Variants in OSBPL11 observed in about 807,000 individuals in gnomAD.
OSBPL11 encodes the protein oxysterol binding protein like 11.
A neutral mutation model predicts 84.4 loss-of-function variants in OSBPL11; 33 were observed. The observed-to-expected ratio is 0.39, with a 90% CI of 0.30 to 0.52. The LOEUF is 0.52. Ranked by LOEUF, OSBPL11 falls within the 20% of genes least tolerant of loss-of-function variation. The pLI, the probability that OSBPL11 is intolerant of heterozygous loss-of-function variation, is 0.72. For missense variants in OSBPL11, 736 were observed against 901.1 expected, an observed-to-expected ratio of 0.82 and a Z score of 2.35; for synonymous variants, 276 against 310.2, an observed-to-expected ratio of 0.89 and a Z score of 1.16.
intron 12 of OSBPL11, among the ~76,000 whole-genome samples, chr3:125,530,951 C>T (rs1935546043): frequency 6.6e-6 from 1 of 151,704 alleles, no homozygotes; most frequent in Non-Finnish European, 1.5e-5. Flanking sequence ...TCCCTGTCTC[C>T]ACTGGCACCC....
At chr3:125,576,433 C>A (rs141649700) in intron 4 of OSBPL11, 68 bp from the exon 5 acceptor site, 1 of 1,258,186 alleles carries the variant, frequency 7.9e-7, no homozygotes, top group Non-Finnish European at 1.1e-6. Flanking sequence ...CATCAAACTA[C>A]CATACACTTA....
At chr3:125,586,723 G>A (rs1270509638) in intron 1 of OSBPL11, among the ~76,000 whole-genome samples, 1 of 151,924 alleles carries the variant, frequency 6.6e-6, no homozygotes, top group East Asian at 1.9e-4. Flanking sequence ...CATCATGTTG[G>A]TCAGGCTGGT....
At position 125,567,435 on chromosome 3, in the gene OSBPL11, T is replaced by A; in HGVS notation, c.827A>T (p.Gln276Leu). 2 of 1,614,164 alleles carry A rather than the reference T, an allele frequency of 1.2e-6. No homozygotes were observed. The highest frequency in any genetic ancestry group is 1.7e-6 in the Non-Finnish European group (2 of 1,180,012). Residue 276 changes from glutamine to leucine, a missense_variant, in exon 6 of 13, where the codon CAG becomes CTG. This residue lies in a region of OSBPL11 where 579 missense variants were observed against 717.6 expected (regional missense o/e 0.81). Coordinates refer to ENST00000296220, the MANE Select transcript of OSBPL11 (RefSeq NM_022776.5). Reference protein sequence around the residue: ...NCLNDCFHILQLQHASHQKGS... With the variant: ...NCLNDCFHILLLQHASHQKGS... ...CTTCTGATGTGATGCATGCTGTAAC[T>A]GGAGAATATGAAAGCAGTCATTTAA...
intron 1 of OSBPL11, among the ~76,000 whole-genome samples, chr3:125,590,678 G>A (rs936089626): frequency 4.6e-5 from 7 of 151,648 alleles, no homozygotes; most frequent in South Asian, 2.1e-4. Context: ...TCATTCTTTC[G>A]TTGTTTTGGG....
intron 10 of OSBPL11, 127 bp downstream of exon 10, chr3:125,547,279 T>A (rs13089180): frequency 0.08 from 61,215 of 767,438 alleles, 2,742 homozygotes; most frequent in Non-Finnish European, 0.093. Flanking sequence ...ATGAAATATT[T>A]TAAATAAGAA....
chr3:125,560,144 C>T (rs1559841180), intron 8 of OSBPL11, among the ~76,000 whole-genome samples: 1 of 151,914 alleles, frequency 6.6e-6, no homozygotes, highest in Admixed American at 6.6e-5. Context: ...ACCTGTAATC[C>T]CAGCTACCCA....
chr3:125,570,706 C>G (rs1043502998), intron 5 of OSBPL11, among the ~76,000 whole-genome samples: 1 of 152,174 alleles, frequency 6.6e-6, no homozygotes, highest in African/African-American at 2.4e-5. Flanking sequence ...CAAGTTCTCT[C>G]TCTTTGCCTG....
chr3:125,539,357 T>TATGGCTGTTTATCA (rs1278559267), intron 10 of OSBPL11, among the ~76,000 whole-genome samples: 6 of 144,164 alleles, frequency 4.2e-5, no homozygotes, highest in Non-Finnish European at 6.0e-5. Context: ...TAGCTATATA[T>TATGGCTGTTTATCA]ATGGCTGTTT....
At chr3:125,567,192 C>T (rs1371794222) in intron 6 of OSBPL11, among the ~76,000 whole-genome samples, 1 of 152,012 alleles carries the variant, frequency 6.6e-6, no homozygotes, top group Non-Finnish European at 1.5e-5. Flanking sequence ...AGACATTAGT[C>T]CTAAAATCAT....
In OSBPL11 at chr3:125,563,709, G is replaced by C. The variant is rs1344726691; in HGVS notation, c.1003C>G (p.Leu335Val). The C allele has an allele frequency of 1.2e-6, 2 of 1,614,056 alleles. No homozygotes were observed. The highest frequency in any genetic ancestry group is 1.7e-6 in the Non-Finnish European group (2 of 1,180,008). The change falls in exon 7 of 13, where the codon CTA becomes GTA. Residue 335 changes from leucine to valine, a missense_variant. By Grantham distance (32) the Leu-to-Val change is conservative. Transcript: ENST00000296220. The stretch of plus-strand genomic sequence containing the variant: ...TTATATTACCTTACCCTCGCTAATA[G>C]TCCAGATTCTGCAACAGGCTGCTCT... The part of the protein sequence containing the change: ...PEEQPVAESG[L>V]LAREPEEINA...
At chr3:125,547,286 A>C in intron 10 of OSBPL11, 120 bp downstream of exon 10, 1 of 791,166 alleles carries the variant, frequency 1.3e-6, no homozygotes, top group Non-Finnish European at 1.9e-6. Context: ...ATTTTAAATA[A>C]GAAATAAACA....
chr3:125,591,011 T>A (rs535276636), intron 1 of OSBPL11, among the ~76,000 whole-genome samples: 2 of 152,358 alleles, frequency 1.3e-5, no homozygotes, highest in Non-Finnish European at 2.9e-5. Flanking sequence ...ACAGGAATAA[T>A]AATGCTGTAT....
intron 8 of OSBPL11, among the ~76,000 whole-genome samples, chr3:125,558,023 A>G (rs12498040): frequency 0.13 from 20,149 of 151,916 alleles, 1,402 homozygotes; most frequent in Admixed American, 0.16. Flanking sequence ...CGAACTCTTG[A>G]GCTCATGTAA....
chr3:125,540,360 A>G (rs765155201), intron 10 of OSBPL11, among the ~76,000 whole-genome samples: 159 of 143,782 alleles, frequency 1.1e-3, no homozygotes, highest in Non-Finnish European at 1.8e-3. Context: ...AAAAAAAAAG[A>G]GTAGTTGTAT....
At chr3:125,588,952 G>A (rs895728069) in intron 1 of OSBPL11, among the ~76,000 whole-genome samples, 1 of 152,134 alleles carries the variant, frequency 6.6e-6, no homozygotes, top group African/African-American at 2.4e-5. Flanking sequence ...AAAGTATAAA[G>A]TCAAGAGAGG....
chr3:125,557,466 C>T (rs1936007654), intron 8 of OSBPL11, among the ~76,000 whole-genome samples: 1 of 152,172 alleles, frequency 6.6e-6, no homozygotes, highest in African/African-American at 2.4e-5. Context: ...ACTGTAACCT[C>T]TGCCTCCTGG....
rs923513680 is a variant in OSBPL11 at position 125,553,484 on chromosome 3, A to T, written c.1156-805T>A. ...TTAAAACCAGGTAAGTGTAAGAAAGATAAATATTTTACTTAAAGCAGAGTT... is the reference window on the plus strand; with the variant it reads ...TTAAAACCAGGTAAGTGTAAGAAAGTTAAATATTTTACTTAAAGCAGAGTT... On this transcript the variant is annotated intron_variant, in intron 8 of 12. Transcript: ENST00000296220. Among the ~76,000 whole-genome samples, 43 of 152,324 alleles carry T rather than the reference A, an allele frequency of 2.8e-4. 1 individual carries two copies. The highest frequency in any genetic ancestry group is 2.8e-3 in the Admixed American group (43 of 15,296).
At chr3:125,534,371 A>G (rs1307357778) in intron 11 of OSBPL11, among the ~76,000 whole-genome samples, 6 of 151,514 alleles carry the variant, frequency 4.0e-5, no homozygotes, top group African/African-American at 1.5e-4. Context: ...CGACAGAGTA[A>G]GACACTACTT....
chr3:125,582,684 TCA>T (rs943901033), intron 2 of OSBPL11, among the ~76,000 whole-genome samples: 1 of 152,206 alleles, frequency 6.6e-6, no homozygotes, highest in Non-Finnish European at 1.5e-5. Flanking sequence ...ATTCTAATCC[TCA>T]TTTAATAGTA....
Sources: allele counts gnomAD v4.1 joint callset (sites outside exome capture counted in the v4.1 genomes callset), GRCh38; gene constraint gnomAD v4.1.1; regional missense constraint gnomAD v4.1.1; transcripts MANE v1.5; gene names NCBI Gene and HGNC (gene_info 2026-07-23, HGNC 2026-07-21).